Variants in CTNNA2 observed in about 807,000 individuals in gnomAD.
CTNNA2 encodes catenin alpha-2.
Under a neutral mutation model 101.0 loss-of-function variants are expected in CTNNA2, and 42 were observed. That is an observed-to-expected ratio of 0.42 (90% CI 0.32 to 0.54). CTNNA2 has a LOEUF of 0.54. CTNNA2 is among the 20% of genes least tolerant of loss of function. The pLI, the probability that CTNNA2 is intolerant of heterozygous loss-of-function variation, is 0.14. For missense variants in CTNNA2, 871 were observed against 1,223.1 expected, an observed-to-expected ratio of 0.71 and a Z score of 4.29; for synonymous variants, 450 against 456.4, an observed-to-expected ratio of 0.99 and a Z score of 0.18.
intron 4 of CTNNA2, among the ~76,000 whole-genome samples, chr2:79,504,102 A>AATG (rs1325185757): frequency 3.3e-5 from 5 of 152,196 alleles, no homozygotes; most frequent in African/African-American, 1.2e-4. Context: ...AGTGAGGACG[A>AATG]TATTAACTGA....
chr2:79,620,385 G>T (rs1309398152), intron 1 of CTNNA2, among the ~76,000 whole-genome samples: 1 of 152,054 alleles, frequency 6.6e-6, no homozygotes, highest in Non-Finnish European at 1.5e-5. Context: ...TTTAGTCTGG[G>T]AAATTCCTAC....
chr2:80,403,785 C>G (rs1297443622), intron 8 of CTNNA2, among the ~76,000 whole-genome samples: 1 of 152,144 alleles, frequency 6.6e-6, no homozygotes. Context: ...TATGTTCCAT[C>G]AATACCTAGT....
chr2:80,215,849 T>A (rs774834991), intron 7 of CTNNA2, among the ~76,000 whole-genome samples: 1 of 152,238 alleles, frequency 6.6e-6, no homozygotes. Flanking sequence ...ATCTATGCCC[T>A]GCCCCCAGAG....
At chr2:80,473,071 G>A (rs1685435308) in intron 9 of CTNNA2, among the ~76,000 whole-genome samples, 1 of 152,148 alleles carries the variant, frequency 6.6e-6, no homozygotes, top group Admixed American at 6.5e-5. Flanking sequence ...GAGAATTTAA[G>A]GACAGTACTA....
chr2:80,596,275 G>T (rs1696946589), intron 15 of CTNNA2, among the ~76,000 whole-genome samples: 1 of 67,222 alleles, frequency 1.5e-5, no homozygotes, highest in East Asian at 5.5e-4. Context: ...GCTGAGACAA[G>T]GTTGTTTTTT....
intron 18 of CTNNA2, among the ~76,000 whole-genome samples, chr2:80,639,821 G>A (rs1409745771): frequency 2.6e-5 from 4 of 152,010 alleles, no homozygotes; most frequent in African/African-American, 4.8e-5. Context: ...AATATTTGTC[G>A]GCCGGGCGCG....
chr2:80,292,482 A>C (rs1459377433), intron 7 of CTNNA2, among the ~76,000 whole-genome samples: 1 of 152,074 alleles, frequency 6.6e-6, no homozygotes, highest in East Asian at 1.9e-4. Context: ...CTGAACGAGG[A>C]GGGATGAAGG....
At chr2:79,649,910 G>A (rs1418767568) in intron 1 of CTNNA2, among the ~76,000 whole-genome samples, 2 of 152,076 alleles carry the variant, frequency 1.3e-5, no homozygotes, top group Non-Finnish European at 2.9e-5. Context: ...TTCTACTAGT[G>A]CCTATTGTGA....
chr2:79,725,005 A>G (rs529377059), intron 2 of CTNNA2, among the ~76,000 whole-genome samples: 22 of 152,078 alleles, frequency 1.4e-4, no homozygotes, highest in Non-Finnish European at 3.1e-4. Flanking sequence ...TAGGAGCTGT[A>G]GAAAAGCCTT....
chr2:79,311,870 T>G (rs1490202339), intron 2 of CTNNA2, among the ~76,000 whole-genome samples: 2 of 152,182 alleles, frequency 1.3e-5, no homozygotes, highest in African/African-American at 4.8e-5. Context: ...TGCAATTTAT[T>G]TATGCGTTTT....
intron 9 of CTNNA2, among the ~76,000 whole-genome samples, chr2:80,479,313 C>T (rs1685969587): frequency 6.6e-6 from 1 of 151,912 alleles, no homozygotes. Flanking sequence ...TTTTTGGCTG[C>T]CGGACATGGT....
intron 1 of CTNNA2, among the ~76,000 whole-genome samples, chr2:79,516,344 C>T (rs1050338765): frequency 2.0e-5 from 3 of 152,058 alleles, no homozygotes; most frequent in Non-Finnish European, 1.5e-5. Context: ...CAAGTAAGTA[C>T]TAGAGGAATT....
chr2:79,595,692 T>G (rs1293252807), intron 1 of CTNNA2, among the ~76,000 whole-genome samples: 1 of 152,134 alleles, frequency 6.6e-6, no homozygotes, highest in Non-Finnish European at 1.5e-5. Flanking sequence ...TACCTTAATT[T>G]AGACCTTCGT....
At chr2:79,565,476 G>A (rs955772395) in intron 1 of CTNNA2, among the ~76,000 whole-genome samples, 2 of 152,100 alleles carry the variant, frequency 1.3e-5, no homozygotes, top group African/African-American at 4.8e-5. Context: ...CTGTCTCAGT[G>A]AGAGCATGTC....
intron 8 of CTNNA2, among the ~76,000 whole-genome samples, chr2:80,400,940 C>T (rs554528050): frequency 6.6e-6 from 1 of 152,288 alleles, no homozygotes; most frequent in African/African-American, 2.4e-5. Context: ...ATCCTTCTGC[C>T]TTTGCACTTG....
At chr2:79,758,476 C>T (rs1478731373) in intron 3 of CTNNA2, among the ~76,000 whole-genome samples, 1 of 152,054 alleles carries the variant, frequency 6.6e-6, no homozygotes, top group African/African-American at 2.4e-5. Flanking sequence ...TTGGGGAGTG[C>T]CTTCACAGGT....
chr2:80,371,754 G>T (rs535304824), intron 7 of CTNNA2, among the ~76,000 whole-genome samples: 1 of 152,146 alleles, frequency 6.6e-6, no homozygotes, highest in Non-Finnish European at 1.5e-5. Context: ...GAGCAATGGA[G>T]GTGGAAGGTA....
chr2:79,643,139 C>T (rs920411243), intron 1 of CTNNA2, among the ~76,000 whole-genome samples: 3 of 152,000 alleles, frequency 2.0e-5, no homozygotes, highest in Non-Finnish European at 4.4e-5. Context: ...TGCAGTGAGC[C>T]TAGATCGTGC....
intron 7 of CTNNA2, chr2:80,162,870 G>A: frequency 6.3e-7 from 1 of 1,595,472 alleles, no homozygotes; most frequent in Non-Finnish European, 8.6e-7. Context: ...CTGTGCTGAT[G>A]AAGTCATGTT....
Sources: allele counts gnomAD v4.1 joint callset (sites outside exome capture counted in the v4.1 genomes callset), GRCh38; gene constraint gnomAD v4.1.1; transcripts MANE v1.5; gene names NCBI Gene and HGNC (gene_info 2026-07-23, HGNC 2026-07-21).